Variants in LARGE1 observed in about 807,000 individuals in gnomAD.
LARGE1 encodes xylosyl- and glucuronyltransferase LARGE1.
Under a neutral mutation model 87.6 loss-of-function variants are expected in LARGE1, and 43 were observed. The ratio of observed to expected loss-of-function variants is 0.49; its 90% CI spans 0.38 to 0.63. The LOEUF is 0.63. Ranked by LOEUF, LARGE1 falls within the 30% of genes least tolerant of loss-of-function variation. LARGE1 has a pLI of 0.00. For synonymous variants in LARGE1, 434 were observed against 394.6 expected (o/e 1.10, Z -1.18); for missense variants, 802 against 1,000.2 (o/e 0.80, Z 2.67).
the LARGE1 span, among the ~76,000 whole-genome samples, chr22:33,080,951 T>TTCCATCCA: frequency 0.058 from 8,593 of 149,288 alleles, 407 homozygotes; most frequent in African/African-American, 0.13. Flanking sequence ...TCCATCTGTC[T>TTCCATCCA]TCCATCCATC....
intron 1 of LARGE1, chr22:33,873,266 A>C (rs2064356850): frequency 6.6e-6 from 1 of 152,042 alleles, no homozygotes; most frequent in Non-Finnish European, 1.5e-5. Context: ...TGCCCTGCCC[A>C]CACCCTTGGG....
intron 11 of LARGE1, among the ~76,000 whole-genome samples, chr22:33,169,255 A>T (rs16991923): frequency 0.036 from 5,435 of 152,260 alleles, 331 homozygotes; most frequent in African/African-American, 0.12. Context: ...ATTAGGTCTT[A>T]CGTATAATGA....
intron 1 of LARGE1, among the ~76,000 whole-genome samples, chr22:33,871,435 T>C (rs1601821661): frequency 6.6e-6 from 1 of 152,176 alleles, no homozygotes; most frequent in African/African-American, 2.4e-5. Flanking sequence ...AGGTGCTCCA[T>C]CTGGAAGGAC....
chr22:33,360,609 C>A (rs184864171), intron 9 of LARGE1, among the ~76,000 whole-genome samples: 10 of 149,482 alleles, frequency 6.7e-5, no homozygotes, highest in Non-Finnish European at 1.3e-4. Context: ...GAGAAACCAC[C>A]CCCATGATCC....
At chr22:33,731,840 C>T (rs573578760) in intron 2 of LARGE1, among the ~76,000 whole-genome samples, 1 of 152,286 alleles carries the variant, frequency 6.6e-6, no homozygotes, top group Admixed American at 6.5e-5. Context: ...TAAATATGTA[C>T]AGCTTTTTGT....
intron 10 of LARGE1, among the ~76,000 whole-genome samples, chr22:33,326,150 G>A (rs1601455846): frequency 6.6e-6 from 1 of 152,188 alleles, no homozygotes; most frequent in Non-Finnish European, 1.5e-5. Context: ...TTGCAGGGAG[G>A]TAGGGGGCTG....
intron 12 of LARGE1, among the ~76,000 whole-genome samples, chr22:33,302,403 C>A (rs1322436751): frequency 6.6e-6 from 1 of 152,114 alleles, no homozygotes; most frequent in Non-Finnish European, 1.5e-5. Context: ...TTAACAGAGT[C>A]TGGTAGGGAC....
chr22:33,166,541 C>G, exon 12 of LARGE1: 2 of 347,878 alleles, frequency 5.7e-6, no homozygotes, highest in Non-Finnish European at 1.1e-5. Context: ...GCATGTACCA[C>G]TTCAATCTTT....
intron 1 of LARGE1, among the ~76,000 whole-genome samples, chr22:33,765,205 CACT>C (rs1025221890): frequency 3.9e-5 from 6 of 152,124 alleles, no homozygotes; most frequent in African/African-American, 1.4e-4. Context: ...AAGGATTATA[CACT>C]ACTAGTAAGA....
At chr22:33,841,848 C>G (rs908717021) in intron 1 of LARGE1, among the ~76,000 whole-genome samples, 7 of 152,210 alleles carry the variant, frequency 4.6e-5, no homozygotes, top group African/African-American at 1.7e-4. Context: ...CTGAGTCACA[C>G]TGCTACTAAG....
At chr22:33,305,616 T>C (rs776006015) in intron 11 of LARGE1, 34 of 984,948 alleles carry the variant, frequency 3.5e-5, no homozygotes, top group Non-Finnish European at 4.0e-5. Context: ...TTCCATGCAT[T>C]TCCATGCTTC....
At chr22:33,711,243 TA>T (rs1345012491) in intron 2 of LARGE1, among the ~76,000 whole-genome samples, 4 of 152,298 alleles carry the variant, frequency 2.6e-5, no homozygotes, top group East Asian at 3.9e-4. Context: ...CCATGTTTTG[TA>T]ACCTGCTGGA....
chr22:33,637,079 T>C (rs2080289412), intron 3 of LARGE1, among the ~76,000 whole-genome samples: 1 of 152,150 alleles, frequency 6.6e-6, no homozygotes. Context: ...ATAGTATTTT[T>C]CCCATCATTG....
intron 11 of LARGE1, among the ~76,000 whole-genome samples, chr22:33,252,955 T>C (rs947737101): frequency 1.3e-5 from 2 of 152,210 alleles, no homozygotes; most frequent in African/African-American, 2.4e-5. Flanking sequence ...AGACTCTTTC[T>C]CTCAGCAATT....
At chr22:33,759,071 A>G (rs890914158) in intron 2 of LARGE1, among the ~76,000 whole-genome samples, 4 of 152,194 alleles carry the variant, frequency 2.6e-5, no homozygotes, top group East Asian at 3.8e-4. Context: ...AACTTCCTCT[A>G]TGTAGATAAA....
intron 2 of LARGE1, chr22:33,726,172 T>C (rs1187868002): frequency 2.6e-5 from 4 of 151,486 alleles, no homozygotes; most frequent in African/African-American, 9.7e-5. Flanking sequence ...GTGGGCAACA[T>C]TCTAGAGCAC....
At chr22:33,141,168 AAT>A in the LARGE1 span, among the ~76,000 whole-genome samples, 76 of 110,246 alleles carry the variant, frequency 6.9e-4, no homozygotes, top group Non-Finnish European at 1.1e-3. Flanking sequence ...TTATTCTCAG[AAT>A]CTCTCTCTCT....
intron 1 of LARGE1, among the ~76,000 whole-genome samples, chr22:33,774,367 CT>C (rs995946741): frequency 6.6e-6 from 1 of 151,328 alleles, no homozygotes; most frequent in Non-Finnish European, 1.5e-5. Context: ...TTCTTTCTTT[CT>C]TTTTTTGAGA....
chr22:33,733,977 A>C (rs1310153875), intron 2 of LARGE1, among the ~76,000 whole-genome samples: 2 of 152,162 alleles, frequency 1.3e-5, no homozygotes, highest in Non-Finnish European at 2.9e-5. Context: ...AGGCTAGGAG[A>C]CTGAGATCAA....
Sources: gnomAD v4.1 joint callset for allele counts (sites outside exome capture counted in the v4.1 genomes callset) on GRCh38, gnomAD v4.1.1 for gene constraint, MANE v1.5 for transcripts, NCBI Gene and HGNC (gene_info 2026-07-23, HGNC 2026-07-21) for gene names.